Variants in GCNT3 observed in about 807,000 individuals in gnomAD.
The protein encoded by GCNT3 is glucosaminyl (N-acetyl) transferase 3, mucin type.
For synonymous variants in GCNT3, 269 were observed against 195.2 expected, an observed-to-expected ratio of 1.38 and a Z score of -3.15; for missense variants, 708 against 530.3, an observed-to-expected ratio of 1.34 and a Z score of -3.29.
chr15:59,621,001 A>G lies in GCNT3; in HGVS notation c.*1446A>G, dbSNP rs990280351. 1 of 147,898 alleles carries G rather than the reference A, an allele frequency of 6.8e-6. No homozygotes were observed. The highest frequency in any genetic ancestry group is 2.5e-5 in the African/African-American group (1 of 40,060). 9.2% of individuals were successfully genotyped at this position (147,898 alleles called of 1,614,324 possible). ...CAGGTTCAAGTGATTCTCCCCCCAAACCTTGCAAGTAGCTGGGATTACAGA... is the reference window on the plus strand; with the variant it reads ...CAGGTTCAAGTGATTCTCCCCCCAAGCCTTGCAAGTAGCTGGGATTACAGA... On this transcript the variant is annotated 3_prime_UTR_variant, in exon 3 of 3. Transcript: ENST00000396065.
Position 59,618,481 on chromosome 15 carries a change from G to C in GCNT3, c.243G>C (p.Val81=), listed in dbSNP as rs568032495. ...TCACCCGAGGGGACCAAGAGGCAGTGCTTCAGGCTATTCTGAATAACCTGG... is the reference window on the plus strand; with the variant it reads ...TCACCCGAGGGGACCAAGAGGCAGTCCTTCAGGCTATTCTGAATAACCTGG... ...SGVTRGDQEA[V]LQAILNNLEV... Residue 81 remains valine, a synonymous_variant, in exon 3 of 3, where the codon GTG becomes GTC. Transcript: ENST00000396065. 1 of 1,614,084 alleles carries C rather than the reference G, an allele frequency of 6.2e-7. No individual in the cohort carries two copies. Among genetic ancestry groups the C allele is most frequent in the South Asian group, 1.1e-5 (1 of 91,082 alleles).
In GCNT3 at chr15:59,618,943, C is replaced by T. The variant is rs1196934983; in HGVS notation, c.705C>T (p.Ser235=). 6.2e-7 allele frequency: 1 copy of T among 1,613,980 alleles called. No individual in the cohort carries two copies. Among genetic ancestry groups the T allele is most frequent in the Admixed American group, 1.7e-5 (1 of 60,012 alleles). ...NTCGTDFPIK[S]NAEMVQALKM... ...GTGGGACGGACTTTCCTATAAAGAG[C>T]AATGCAGAGATGGTCCAGGCTCTCA... Residue 235 remains serine (S), a synonymous_variant, in exon 3 of 3, where the codon AGC becomes AGT. Coordinates refer to ENST00000396065, the MANE Select transcript of GCNT3 (RefSeq NM_004751.3).
chr15:59,618,786 TC>T lies in GCNT3; in HGVS notation c.551del (p.Pro184GlnfsTer5). ...GCGGTCAAAGCAATTATTTCTTGCT[TC>T]CCAAATGTCTTCATAGCCAGTAAGC... Reference protein sequence around the residue: ...KEAVKAIISCFPNVFIASKLV... With the variant: ...KEAVKAIISCXPNVFIASKLV... On this transcript the variant is annotated frameshift_variant, in exon 3 of 3. Coordinates refer to ENST00000396065, the MANE Select transcript of GCNT3 (RefSeq NM_004751.3). LOFTEE classifies it low-confidence loss of function (END_TRUNC). The T allele has an allele frequency of 6.2e-7, 1 of 1,614,184 alleles. No homozygotes were observed. The highest frequency in any genetic ancestry group is 8.5e-7 in the Non-Finnish European group (1 of 1,180,034).
At chr15:59,617,454 G>A (rs1309475223) in intron 2 of GCNT3, among the ~76,000 whole-genome samples, 2 of 151,960 alleles carry the variant, frequency 1.3e-5, no homozygotes, top group Non-Finnish European at 1.5e-5. Context: ...ATACATTTCA[G>A]ATTGGTTGTG....
At chr15:59,615,928 G>A (rs2082717687) in intron 1 of GCNT3, among the ~76,000 whole-genome samples, 1 of 152,186 alleles carries the variant, frequency 6.6e-6, no homozygotes. Flanking sequence ...ATTTGGTTAG[G>A]AGTGTTGCTT....
In GCNT3 at chr15:59,620,985, G is replaced by A. The variant is rs1171048251; in HGVS notation, c.*1430G>A. The stretch of plus-strand genomic sequence containing the variant: ...TGAAGCCTCTGCCTCCCAGGTTCAA[G>A]TGATTCTCCCCCCAAACCTTGCAAG... On this transcript the variant is annotated 3_prime_UTR_variant, in exon 3 of 3. Coordinates refer to ENST00000396065, the MANE Select transcript of GCNT3 (RefSeq NM_004751.3). 2 of 138,278 alleles carry A rather than the reference G, an allele frequency of 1.4e-5. No individual in the cohort carries two copies. The highest frequency in any genetic ancestry group is 3.0e-5 in the Non-Finnish European group (2 of 65,736). 8.6% of individuals were successfully genotyped at this position (138,278 alleles called of 1,614,324 possible).
At position 59,618,185 on chromosome 15, in the gene GCNT3, G is replaced by A. The variant is rs74748021; in HGVS notation, c.-54G>A. ...GCATTTTGTTCTGTCCAAGGATTGT[G>A]TCCTCCTCCACCTTCCCTGTGCTCG... On this transcript the variant is annotated 5_prime_UTR_variant, in exon 3 of 3. Transcript: ENST00000396065. 2 of 969,434 alleles carry A rather than the reference G, an allele frequency of 2.1e-6. No individual in the cohort carries two copies. Among genetic ancestry groups the A allele is most frequent in the African/African-American group, 1.6e-5 (1 of 61,528 alleles). 60.1% of individuals were successfully genotyped at this position (969,434 alleles called of 1,614,324 possible). A position where few individuals can be genotyped will look rare whatever the true frequency, so the allele number is the denominator to read the frequency against.
intron 2 of GCNT3, among the ~76,000 whole-genome samples, chr15:59,617,648 AGT>A (rs2082725886): frequency 6.6e-6 from 1 of 152,252 alleles, no homozygotes; most frequent in Non-Finnish European, 1.5e-5. Context: ...TTTTTTAAAA[AGT>A]GTGGCTAGAT....
In GCNT3 at chr15:59,619,270, C is replaced by G; in HGVS notation, c.1032C>G (p.Gly344=). 1.2e-6 allele frequency: 2 copies of G among 1,614,132 alleles called. No homozygotes were observed. The highest frequency in any genetic ancestry group is 1.3e-5 in the African/African-American group (1 of 75,014). The part of the protein sequence containing the change: ...ATLQRARWMP[G]SVPNHPKYDI... ...TTCAGCGTGCACGGTGGATGCCTGG[C>G]TCTGTTCCCAACCACCCCAAGTACG... Residue 344 remains glycine (G), a synonymous_variant, in exon 3 of 3, where the codon GGC becomes GGG. Coordinates refer to ENST00000396065, the MANE Select transcript of GCNT3 (RefSeq NM_004751.3).
chr15:59,613,769 C>T (rs2141932604), intron 1 of GCNT3, among the ~76,000 whole-genome samples: 1 of 152,052 alleles, frequency 6.6e-6, no homozygotes, highest in South Asian at 2.1e-4. Flanking sequence ...CAGTGGCTCA[C>T]ATTTTTAATC....
At chr15:59,616,400 ATC>A (rs2082719916) in intron 1 of GCNT3, 1 of 152,206 alleles carries the variant, frequency 6.6e-6, no homozygotes, top group Non-Finnish European at 1.5e-5. Flanking sequence ...GGAGGGGCAT[ATC>A]TCTCTGTTTC....
rs1386999411 is a variant in GCNT3, at chr15:59,619,391, A to T, written c.1153A>T (p.Ile385Phe). 18 of 1,614,128 alleles carry T rather than the reference A, an allele frequency of 1.1e-5. No homozygotes were observed. The highest frequency in any genetic ancestry group is 1.6e-4 in the Middle Eastern group (1 of 6,062). Residue 385 changes from isoleucine (I) to phenylalanine (F), a missense_variant, in exon 3 of 3, where the codon ATC becomes TTC. By Grantham distance (21) the Ile-to-Phe change is conservative. Coordinates refer to ENST00000396065, the MANE Select transcript of GCNT3 (RefSeq NM_004751.3). ...KGAPYAPCSGIHQRAICVYGA... is the reference protein window; with the variant it reads ...KGAPYAPCSGFHQRAICVYGA... ...TGCTCCTTATGCTCCCTGCTCTGGA[A>T]TCCACCAGCGGGCTATCTGCGTTTA... is the stretch of plus-strand genomic sequence containing the variant.
rs532674575 is a variant in GCNT3, at chr15:59,613,035, CTGGATCTATTTCATGATAA to C, written c.-251+1055_-251+1073del. Among the ~76,000 whole-genome samples the C allele has an allele frequency of 2.0e-3, 306 of 152,108 alleles. 1 individual carries two copies. The highest frequency in any genetic ancestry group is 3.4e-3 in the Middle Eastern group (1 of 294). ...TAAAATAGGTCTTTGTGGGCTAGCA[CTGGATCTATTTCATGATAA>C]CCTTCACTGAGGGGCTGTAAGTACC... On this transcript the variant is annotated intron_variant, in intron 1 of 2. Coordinates refer to ENST00000396065, the MANE Select transcript of GCNT3 (RefSeq NM_004751.3).
chr15:59,619,511 G>A lies in GCNT3; in HGVS notation c.1273G>A (p.Glu425Lys). Reference protein sequence around the residue: ...KVDDNALQCLEEYLRYKAIYG... With the variant: ...KVDDNALQCLKEYLRYKAIYG... ...AGATGATAATGCTCTTCAGTGCTTA[G>A]AAGAATACCTACGTTATAAGGCCAT... The change falls in exon 3 of 3, where the codon GAA becomes AAA. Residue 425 changes from glutamate (E) to lysine (K), a missense_variant. Coordinates refer to ENST00000396065, the MANE Select transcript of GCNT3 (RefSeq NM_004751.3). 6.2e-7 allele frequency: 1 copy of A among 1,611,454 alleles called. No homozygotes were observed. The highest frequency in any genetic ancestry group is 1.3e-5 in the African/African-American group (1 of 74,978).
At chr15:59,612,033 A>G (rs1217321892) in intron 1 of GCNT3, 52 bp downstream of exon 1, 47 of 152,220 alleles carry the variant, frequency 3.1e-4, no homozygotes. Context: ...CTAATTTGTA[A>G]ATTCAGCTTA....
At chr15:59,612,678 G>A (rs1566903795) in intron 1 of GCNT3, among the ~76,000 whole-genome samples, 1 of 152,126 alleles carries the variant, frequency 6.6e-6, no homozygotes, top group Non-Finnish European at 1.5e-5. Flanking sequence ...TGTTCTTCAG[G>A]GCTAGCATGG....
At chr15:59,617,592 A>G (rs1169546060) in intron 2 of GCNT3, among the ~76,000 whole-genome samples, 2 of 152,202 alleles carry the variant, frequency 1.3e-5, no homozygotes, top group African/African-American at 2.4e-5. Context: ...AATGATTTCA[A>G]TGCATTTTTG....
chr15:59,619,323 G>T lies in GCNT3; in HGVS notation c.1085G>T (p.Arg362Met), dbSNP rs1299885846. The T allele has an allele frequency of 1.2e-6, 2 of 1,614,090 alleles. No homozygotes were observed. The change falls in exon 3 of 3, where the codon AGG (arginine) becomes ATG (methionine). Residue 362 changes from arginine to methionine, a missense_variant. By Grantham distance (91) the Arg-to-Met change is moderately conservative. Transcript: ENST00000396065. ...YDISDMTSIA[R>M]LVKWQGHEGD... ...ATCTCAGACATGACTTCTATTGCCA[G>T]GCTGGTCAAGTGGCAGGGTCATGAG...
intron 1 of GCNT3, among the ~76,000 whole-genome samples, chr15:59,616,078 C>T (rs2082718404): frequency 1.3e-5 from 2 of 152,176 alleles, no homozygotes; most frequent in Non-Finnish European, 2.9e-5. Flanking sequence ...ATAGTGTAAT[C>T]CATTCCTTAG....
Sources: gnomAD v4.1 joint callset for allele counts (sites outside exome capture counted in the v4.1 genomes callset) on GRCh38, gnomAD v4.1.1 for gene constraint, MANE v1.5 for transcripts, NCBI Gene and HGNC (gene_info 2026-07-23, HGNC 2026-07-21) for gene names.